The following DNAH5 variants were observed in gnomAD, a reference collection of about 807,000 sequenced individuals.
DNAH5 encodes axonemal beta dynein heavy chain 5.
In DNAH5, 372 loss-of-function variants were observed where a neutral mutation model predicts 518.2. The observed-to-expected ratio is 0.72, with a 90% CI of 0.66 to 0.78. The LOEUF is 0.78. Among genes scored for constraint, DNAH5 ranks in the 30% least tolerant of loss-of-function variants. DNAH5 has a pLI of 0.00. For synonymous variants in DNAH5, 2,039 were observed against 2,025.9 expected (o/e 1.01, Z -0.17); for missense variants, 5,523 against 5,687.0 (o/e 0.97, Z 0.93).
chr5:13,808,133 G>A (rs1253159307), intron 46 of DNAH5, among the ~76,000 whole-genome samples: 2 of 151,436 alleles, frequency 1.3e-5, no homozygotes, highest in Non-Finnish European at 2.9e-5. Context: ...GGGAGGCTGA[G>A]GCAGGAGAAT....
intron 24 of DNAH5, among the ~76,000 whole-genome samples, chr5:13,870,340 G>A (rs1769909438): frequency 6.6e-6 from 1 of 152,120 alleles, no homozygotes; most frequent in South Asian, 2.1e-4. Flanking sequence ...GCCTTCTCAT[G>A]GGGAGGTTAT....
chr5:13,907,787 AT>A (rs1195772687), intron 12 of DNAH5, among the ~76,000 whole-genome samples: 1 of 152,196 alleles, frequency 6.6e-6, no homozygotes, highest in Non-Finnish European at 1.5e-5. Context: ...TAGAAAAATT[AT>A]TTCCTTATTT....
At chr5:14,006,290 G>A (rs1784720573) in intron 1 of DNAH5, among the ~76,000 whole-genome samples, 1 of 152,186 alleles carries the variant, frequency 6.6e-6, no homozygotes, top group Admixed American at 6.5e-5. Flanking sequence ...GGCTATAACA[G>A]GGACTAACTG....
At chr5:13,922,497 T>TG (rs1407192381) in intron 4 of DNAH5, among the ~76,000 whole-genome samples, 169 bp from the exon 5 acceptor site, 2 of 151,822 alleles carry the variant, frequency 1.3e-5, no homozygotes, top group Admixed American at 6.6e-5. Flanking sequence ...GAGGCTGAGG[T>TG]GGGGGGATCA....
At position 13,922,110 on chromosome 5, in the gene DNAH5, C is replaced by T; in HGVS notation, c.657G>A (p.Glu219=). 6.2e-7 allele frequency: 1 copy of T among 1,614,040 alleles called. No homozygotes were observed. The highest frequency in any genetic ancestry group is 8.5e-7 in the Non-Finnish European group (1 of 1,179,978). The change falls in exon 5 of 79, where the codon GAG becomes GAA. Residue 219 remains glutamate (E), a synonymous_variant. Coordinates refer to ENST00000265104, the MANE Select transcript of DNAH5 (RefSeq NM_001369.3). Reference sequence around the variant, plus strand: ...GGAACAGCTTATTCGTCCTCACCTTCTCCTTCAGACTCTCCTGTGCACCCG... The same window carrying T: ...GGAACAGCTTATTCGTCCTCACCTTTTCCTTCAGACTCTCCTGTGCACCCG... ...VLSGAQESLK[E]KVNLRKCDIL... is the part of the protein sequence containing the mutation.
chr5:13,914,552 C>T lies in DNAH5; in HGVS notation c.1288G>A (p.Glu430Lys), dbSNP rs777641077. 1.9e-6 allele frequency: 3 copies of T among 1,613,258 alleles called. No individual in the cohort carries two copies. The Admixed American group carries it at 5.0e-5, about 27-fold the overall frequency. ...AGTTTAATCGCAGATAGTATTTTTT[C>T]TTCAACAACATCCTGTGGCTGGTTC... ...IWNQPQDVVE[E>K]KILSAIKLKQ... The change falls in exon 10 of 79, where the codon GAA (glutamate) becomes AAA (lysine). Residue 430 changes from glutamate to lysine, a missense_variant. By Grantham distance (56) the Glu-to-Lys change is moderately conservative. Coordinates refer to ENST00000265104, the MANE Select transcript of DNAH5 (RefSeq NM_001369.3).
chr5:13,743,879 C>A (rs745612194), intron 65 of DNAH5, among the ~76,000 whole-genome samples: 3 of 152,080 alleles, frequency 2.0e-5, no homozygotes, highest in Non-Finnish European at 4.4e-5. Context: ...CTAGAACAAC[C>A]ACTATGGAGA....
intron 38 of DNAH5, among the ~76,000 whole-genome samples, chr5:13,824,595 A>G (rs1488738826): frequency 4.6e-5 from 7 of 152,232 alleles, no homozygotes; most frequent in African/African-American, 1.7e-4. Flanking sequence ...GCAGGGAAAA[A>G]GGAATAAATT....
intron 15 of DNAH5, among the ~76,000 whole-genome samples, chr5:13,895,396 T>C (rs368613540): frequency 3.2e-4 from 49 of 152,182 alleles, no homozygotes; most frequent in African/African-American, 1.2e-3. Flanking sequence ...GGAGAAAATC[T>C]AAGGCCAAGT....
Position 13,870,627 on chromosome 5 carries a change from C to T in DNAH5, c.3834+140G>A, listed in dbSNP as rs1343175543. 3.2e-5 allele frequency: 26 copies of T among 818,544 alleles called. No individual in the cohort carries two copies. In the East Asian group the frequency reaches 4.0e-4, roughly 13 times the overall value. The allele number at this position is 818,544 out of a possible 1,614,324, so 50.7% of individuals were successfully genotyped here. The stretch of plus-strand genomic sequence containing the variant: ...CATGGAAGGCAATGCTATAGGGGTT[C>T]GGTATCATCAACAATATTGAAATTA... On this transcript the variant is annotated intron_variant, in intron 24 of 78. Transcript: ENST00000265104.
intron 47 of DNAH5, among the ~76,000 whole-genome samples, chr5:13,798,526 G>T (rs964162699): frequency 2.6e-5 from 4 of 151,888 alleles, no homozygotes; most frequent in Admixed American, 1.3e-4. Context: ...AGAAAGTGGA[G>T]GTATGTAAAG....
Position 13,814,680 on chromosome 5 carries a change from A to G in DNAH5, c.7155T>C (p.Ala2385=). Residue 2385 remains alanine (A), a synonymous_variant, in exon 43 of 79, where the codon GCT becomes GCC. Coordinates refer to ENST00000265104, the MANE Select transcript of DNAH5 (RefSeq NM_001369.3). ...IIFEPHNIDN[A]SPATVSRNGM... is the part of the protein sequence containing the mutation. The stretch of plus-strand genomic sequence containing the variant: ...CATTTCTTGAGACGGTGGCAGGAGA[A>G]GCATTGTCAATGTTATGAGGCTCGA... 1.2e-6 allele frequency: 2 copies of G among 1,614,124 alleles called. No homozygotes were observed. The highest frequency in any genetic ancestry group is 2.2e-5 in the South Asian group (2 of 91,080).
intron 36 of DNAH5, 108 bp downstream of exon 36, chr5:13,830,489 C>G: frequency 7.2e-7 from 1 of 1,390,686 alleles, no homozygotes; most frequent in Non-Finnish European, 1.0e-6. Flanking sequence ...AAAAATTTTA[C>G]AAAGTTGAAA....
At chr5:13,866,306 A>G (rs1210283670) in intron 25 of DNAH5, 24 bp from the exon 26 acceptor site, 15 of 1,600,178 alleles carry the variant, frequency 9.4e-6, no homozygotes, top group Admixed American at 1.7e-5. Flanking sequence ...AAAAAAAGAA[A>G]AATAGAAGGA....
At chr5:13,727,424 C>A (rs528382958) in intron 70 of DNAH5, 83 bp downstream of exon 70, 1 of 1,327,800 alleles carries the variant, frequency 7.5e-7, no homozygotes, top group Non-Finnish European at 1.0e-6. Flanking sequence ...CTGGAATTCA[C>A]ATTTAAAATA....
chr5:13,697,652 G>T (rs371570649), intron 78 of DNAH5, among the ~76,000 whole-genome samples: 1 of 152,132 alleles, frequency 6.6e-6, no homozygotes, highest in African/African-American at 2.4e-5. Context: ...TCTACCTGAA[G>T]AACCTCCTTC....
chr5:13,921,465 T>TTG (rs1777261893), intron 5 of DNAH5, among the ~76,000 whole-genome samples: 4 of 99,376 alleles, frequency 4.0e-5, no homozygotes, highest in South Asian at 4.5e-4. Flanking sequence ...TCTCTTGCTC[T>TTG]ATCTCTCTCT....
intron 44 of DNAH5, 93 bp from the exon 45 acceptor site, chr5:13,810,353 G>T: frequency 9.4e-7 from 1 of 1,062,766 alleles, no homozygotes; most frequent in South Asian, 1.4e-5. Flanking sequence ...ATAGAAACAA[G>T]ACACTAGTTG....
intron 11 of DNAH5, 96 bp downstream of exon 11, chr5:13,913,647 C>T: frequency 7.1e-7 from 1 of 1,411,992 alleles, no homozygotes. Flanking sequence ...ACTTTACAGA[C>T]TGATGATTTG....
Sources: gnomAD v4.1 joint callset for allele counts (sites outside exome capture counted in the v4.1 genomes callset) on GRCh38, gnomAD v4.1.1 for gene constraint, MANE v1.5 for transcripts, NCBI Gene and HGNC (gene_info 2026-07-23, HGNC 2026-07-21) for gene names.